The following AMT variants were observed in gnomAD, a reference collection of about 807,000 sequenced individuals.
AMT encodes aminomethyltransferase, also known as aminomethyltransferase, mitochondrial.
In AMT, 24 loss-of-function variants were observed where a neutral mutation model predicts 39.5. The observed-to-expected ratio is 0.61, with a 90% confidence interval of 0.44 to 0.86. The LOEUF is 0.86. Ranked by LOEUF, AMT falls within the 40% of genes least tolerant of loss-of-function variation. The probability of loss-of-function intolerance (pLI) is 0.00; values close to 1 mark genes in which losing one functional copy is unlikely to be tolerated. For synonymous variants in AMT, 210 were observed against 212.1 expected (o/e 0.99, Z 0.09); for missense variants, 501 against 537.0 (o/e 0.93, Z 0.66).
chr3:49,421,064 C>A, intron 3 of AMT: 1 of 273,182 alleles, frequency 3.7e-6, no homozygotes, highest in East Asian at 9.4e-5. Context: ...GCCACCACGC[C>A]CGGCTAATTT....
chr3:49,417,327 G>A lies in AMT; in HGVS notation c.*213C>T, dbSNP rs2049015493. ...ATCATGGACTGAAACAAGACATTGT[G>A]TGAGCTGGTCCGTCACTCAGAAGCA... is the stretch of plus-strand genomic sequence containing the variant. On this transcript the variant is annotated 3_prime_UTR_variant, in exon 9 of 9. Transcript: ENST00000273588. 1.9e-6 allele frequency: 3 copies of A among 1,595,814 alleles called. No individual in the cohort carries two copies. Among genetic ancestry groups the A allele is most frequent in the Non-Finnish European group, 2.5e-6 (3 of 1,176,662 alleles).
intron 4 of AMT, 101 bp from the exon 5 acceptor site, chr3:49,419,889 G>A: frequency 9.0e-7 from 1 of 1,107,226 alleles, no homozygotes; most frequent in Non-Finnish European, 1.4e-6. Flanking sequence ...TGGAGAGGAG[G>A]AGGAGGAGGG....
rs765606234 is a variant in AMT at position 49,419,245 on chromosome 3, C to T, written c.696+15G>A. The stretch of plus-strand genomic sequence containing the variant: ...CCTGTGCCCTGTACTGCCCCCACAC[C>T]ACTTCTTGACACACCTCCACACCAT... On this transcript the variant is annotated intron_variant, in intron 6 of 8. Transcript: ENST00000273588. 2.5e-6 allele frequency: 4 copies of T among 1,614,034 alleles called. No homozygotes were observed. The African/African-American group carries it at 5.3e-5, about 22-fold the overall frequency.
At chr3:49,418,490 G>GTTTCTTTT in intron 7 of AMT, 1 of 89,388 alleles carries the variant, frequency 1.1e-5, no homozygotes, top group South Asian at 3.0e-4. Flanking sequence ...AGCATCTTCA[G>GTTTCTTTT]TTTCTTTTTT....
rs2107932060 is a variant in AMT at position 49,419,290 on chromosome 3, G to T, written c.666C>A (p.Arg222=). ...CACCATCCTCTCCTGTGTAGCCACAGCGGGTCACGCGGCAGCCAGACACGC... is the reference window on the plus strand; with the variant it reads ...CACCATCCTCTCCTGTGTAGCCACATCGGGTCACGCGGCAGCCAGACACGC... ...VFGVSGCRVT[R]CGYTGEDGVE... The change falls in exon 6 of 9, where the codon CGC becomes CGA. Residue 222 remains arginine (R), a synonymous_variant. Coordinates refer to ENST00000273588, the MANE Select transcript of AMT (RefSeq NM_000481.4). The T allele has an allele frequency of 6.2e-7, 1 of 1,614,168 alleles. No individual in the cohort carries two copies. Among genetic ancestry groups the T allele is most frequent in the South Asian group, 1.1e-5 (1 of 91,086 alleles).
intron 2 of AMT, chr3:49,421,848 G>C (rs2049107853): frequency 1.4e-6 from 1 of 695,368 alleles, no homozygotes; most frequent in Non-Finnish European, 2.6e-6. Flanking sequence ...ATACATGAGA[G>C]TGGGTGTCAG....
chr3:49,420,380 G>T (rs2049079643), intron 3 of AMT, 38 bp from the exon 4 acceptor site: 1 of 1,613,716 alleles, frequency 6.2e-7, no homozygotes, highest in African/African-American at 1.3e-5. Context: ...TCCAGGTCCA[G>T]GAGGGCAAGG....
chr3:49,421,789 A>G (rs1053447346), intron 2 of AMT: 25 of 669,836 alleles, frequency 3.7e-5, no homozygotes, highest in Middle Eastern at 3.9e-4. Flanking sequence ...ACTGGACAGG[A>G]CCTAGCACCT....
chr3:49,421,653 C>T, intron 2 of AMT, 81 bp from the exon 3 acceptor site: 1 of 1,279,172 alleles, frequency 7.8e-7, no homozygotes, highest in Non-Finnish European at 1.1e-6. Flanking sequence ...ATCCTCCCTG[C>T]CATCCACAGT....
chr3:49,418,948 C>A (rs1414228152), intron 7 of AMT, 23 bp downstream of exon 7: 1 of 1,613,374 alleles, frequency 6.2e-7, no homozygotes, highest in Admixed American at 1.7e-5. Flanking sequence ...AGGACCCTAT[C>A]CTTTAGTGCT....
chr3:49,418,371 C>T (rs542607830), intron 7 of AMT: 6 of 291,250 alleles, frequency 2.1e-5, no homozygotes, highest in East Asian at 9.1e-5. Flanking sequence ...TCAGTAGAGA[C>T]GGGGTCTCAC....
rs755979959 is a variant in AMT, at chr3:49,422,433, A to G, written c.18T>C (p.Ser6=). 1 of 1,613,354 alleles carries G rather than the reference A, an allele frequency of 6.2e-7. No homozygotes were observed. Among genetic ancestry groups the G allele is most frequent in the Admixed American group, 1.7e-5 (1 of 59,982 alleles). The part of the protein sequence containing the change: MQRAV[S]VVARLGFRLQ... Reference sequence around the variant, plus strand: ...GGCGAAAGCCCAGACGGGCCACCACACTTACAGCCCTCTGCATCGTCGCCT... The same window carrying G: ...GGCGAAAGCCCAGACGGGCCACCACGCTTACAGCCCTCTGCATCGTCGCCT... Residue 6 remains serine (S), a synonymous_variant, in exon 1 of 9, where the codon AGT becomes AGC. Coordinates refer to ENST00000273588, the MANE Select transcript of AMT (RefSeq NM_000481.4).
chr3:49,420,123 C>G, intron 4 of AMT, 88 bp downstream of exon 4: 1 of 1,573,800 alleles, frequency 6.4e-7, no homozygotes, highest in South Asian at 1.1e-5. Flanking sequence ...TTCCAGGTCC[C>G]TTGTCTGTGC....
In AMT at chr3:49,419,320, CA is replaced by C; in HGVS notation, c.635del (p.Val212GlyfsTer9). The C allele has an allele frequency of 1.2e-6, 2 of 1,614,210 alleles. No individual in the cohort carries two copies. The highest frequency in any genetic ancestry group is 8.5e-7 in the Non-Finnish European group (1 of 1,180,040). ...TCACGCGGCAGCCAGACACGCCAAA[CA>C]CCTCCATCACAGCACTGGTCATGAA... ...LPFMTSAVME[V>X]FGVSGCRVTR... On this transcript the variant is annotated frameshift_variant, in exon 6 of 9. Transcript: ENST00000273588. LOFTEE classifies it high-confidence loss of function.
chr3:49,421,523 A>G lies in AMT; in HGVS notation c.308T>C (p.Val103Ala), dbSNP rs1189234605. The G allele has an allele frequency of 1.9e-6, 3 of 1,614,152 alleles. No individual in the cohort carries two copies. Among genetic ancestry groups the G allele is most frequent in the Non-Finnish European group, 8.5e-7 (1 of 1,180,028 alleles). ...TGGTCTTAGCTCTGCAATGTCTCCAACCACTAGACTCTCCATCAGCTTCAC... is the reference window on the plus strand; with the variant it reads ...TGGTCTTAGCTCTGCAATGTCTCCAGCCACTAGACTCTCCATCAGCTTCAC... The part of the protein sequence containing the change: ...DRVKLMESLV[V>A]GDIAELRPNQ... The change falls in exon 3 of 9, where the codon GTT becomes GCT. Residue 103 changes from valine to alanine, a missense_variant. Transcript: ENST00000273588.
chr3:49,417,637 G>C lies in AMT; in HGVS notation c.1115C>G (p.Pro372Arg). ...MGYVPCEYSR[P>R]GTMLLVEVRR... ...CACCTCTACCAGCAGCATTGTCCCTGGACGACTGTACTCGCAGGGCACATA... is the reference window on the plus strand; with the variant it reads ...CACCTCTACCAGCAGCATTGTCCCTCGACGACTGTACTCGCAGGGCACATA... The change falls in exon 9 of 9, where the codon CCA becomes CGA. Residue 372 changes from proline to arginine, a missense_variant. Pro to Arg is a moderately radical substitution (Grantham distance 103). Transcript: ENST00000273588. 1 of 1,614,138 alleles carries C rather than the reference G, an allele frequency of 6.2e-7. No homozygotes were observed. The highest frequency in any genetic ancestry group is 8.5e-7 in the Non-Finnish European group (1 of 1,180,040).
Position 49,422,143 on chromosome 3 carries a change from G to A in AMT, c.219C>T (p.Arg73=), listed in dbSNP as rs775565355. Residue 73 remains arginine (R), a synonymous_variant, in exon 2 of 9, where the codon CGC becomes CGT. Coordinates refer to ENST00000273588, the MANE Select transcript of AMT (RefSeq NM_000481.4). ...DSHTDSHLHT[R]QHCSLFDVSH... ...ACACGTCAAAGAGCGAGCAGTGCTG[G>A]CGTGTGTGCAGGTGCGAGTCAGTGT... 6.2e-7 allele frequency: 1 copy of A among 1,613,834 alleles called. No homozygotes were observed. Among genetic ancestry groups the A allele is most frequent in the South Asian group, 1.1e-5 (1 of 91,090 alleles).
chr3:49,418,006 C>G, intron 7 of AMT, 33 bp from the exon 8 acceptor site: 1 of 1,580,154 alleles, frequency 6.3e-7, no homozygotes. Flanking sequence ...TAAGCCACAG[C>G]CCATAGAAGC....
At chr3:49,418,144 C>T (rs1216375604) in intron 7 of AMT, 171 bp from the exon 8 acceptor site, 2 of 749,678 alleles carry the variant, frequency 2.7e-6, no homozygotes, top group Admixed American at 5.1e-5. Flanking sequence ...CACCTCCTAT[C>T]CCCTGGAGGC....
Sources: allele counts gnomAD v4.1 joint callset, GRCh38; gene constraint gnomAD v4.1.1; transcripts MANE v1.5; gene names NCBI Gene and HGNC (gene_info 2026-07-23, HGNC 2026-07-21).